MCF2L2: variants seen among roughly 807,000 people sequenced by gnomAD.
The protein encoded by MCF2L2 is probable guanine nucleotide exchange factor MCF2L2.
MCF2L2 carries 102 observed loss-of-function variants against 150.2 expected under a neutral mutation model. The observed-to-expected ratio is 0.68, with a 90% CI of 0.58 to 0.80. MCF2L2 has a LOEUF of 0.80. MCF2L2 is among the 30% of genes least tolerant of loss of function. The pLI is 0.00. For missense variants in MCF2L2, 1,256 were observed against 1,372.8 expected (o/e 0.91, Z 1.34); for synonymous variants, 465 against 491.3 (o/e 0.95, Z 0.71).
chr3:183,418,992 G>A (rs60977652), intron 1 of MCF2L2, among the ~76,000 whole-genome samples: 3,322 of 152,324 alleles, frequency 0.022, 148 homozygotes, highest in African/African-American at 0.075. Context: ...TCTCCATGAG[G>A]GCTCTGCCCC....
chr3:183,312,907 C>T (rs964725322), intron 7 of MCF2L2, among the ~76,000 whole-genome samples: 1 of 152,216 alleles, frequency 6.6e-6, no homozygotes, highest in Non-Finnish European at 1.5e-5. Context: ...TCTTTGGACA[C>T]CTCCTCTGGC....
intron 12 of MCF2L2, chr3:183,296,234 C>A (rs1055115598): frequency 6.6e-6 from 1 of 152,404 alleles, no homozygotes; most frequent in African/African-American, 2.4e-5. Context: ...TACAACCCTG[C>A]TGGCTTCATG....
intron 27 of MCF2L2, among the ~76,000 whole-genome samples, chr3:183,186,742 A>C (rs1490851731): frequency 6.6e-6 from 1 of 151,572 alleles, no homozygotes; most frequent in East Asian, 2.0e-4. Flanking sequence ...GTTTTTGTGG[A>C]GATGGGGTCT....
rs114462672 is a variant in MCF2L2 at position 183,194,242 on chromosome 3, A to G, written c.2918+980T>C. ...TGAGCTTAGAAAAACTAAGCAGACT[A>G]CTGTATCAGAACTGGATCACAGTAG... On this transcript the variant is annotated intron_variant, in intron 26 of 29. Transcript: ENST00000328913. Among the ~76,000 whole-genome samples, 1,386 of 152,266 alleles carry G rather than the reference A, an allele frequency of 9.1e-3. 28 individuals carry two copies. Among genetic ancestry groups the G allele is most frequent in the African/African-American group, 0.031 (1,301 of 41,536 alleles).
chr3:183,389,720 G>A lies in MCF2L2; in HGVS notation c.136C>T (p.His46Tyr), dbSNP rs144122281. 2 of 1,613,992 alleles carry A rather than the reference G, an allele frequency of 1.2e-6. No individual in the cohort carries two copies. The highest frequency in any genetic ancestry group is 1.7e-6 in the Non-Finnish European group (2 of 1,179,980). Reference protein sequence around the residue: ...LMAVEIIEQLHRQFAILSGGR... With the variant: ...LMAVEIIEQLYRQFAILSGGR... ...CCTGAAAGAATGGCAAATTGTCTGT[G>A]AAGTTGTTCTATTATCTCCACCGCC... is the stretch of plus-strand genomic sequence containing the variant. The change falls in exon 2 of 30, where the codon CAC becomes TAC. Residue 46 changes from histidine to tyrosine, a missense_variant. Physicochemically the swap from His to Tyr is moderately conservative, Grantham distance 83 (BLOSUM62 2). Coordinates refer to ENST00000328913, the MANE Select transcript of MCF2L2 (RefSeq NM_015078.4).
At position 183,247,298 on chromosome 3, in the gene MCF2L2, C is replaced by T. The variant is rs1445311362; in HGVS notation, c.1863-16281G>A. ...TGCTCCTTAAGAGACAGGGCCTGTA[C>T]AGCAAGGACACAGAGAAGCAGGTTA... On this transcript the variant is annotated intron_variant, in intron 15 of 29. Transcript: ENST00000328913. Among the ~76,000 whole-genome samples the T allele has an allele frequency of 1.3e-5, 2 of 152,166 alleles. 1 individual carries two copies. Among genetic ancestry groups the T allele is most frequent in the Non-Finnish European group, 2.9e-5 (2 of 68,038 alleles).
intron 21 of MCF2L2, among the ~76,000 whole-genome samples, chr3:183,218,873 T>C (rs1444265472): frequency 1.3e-5 from 2 of 152,158 alleles, no homozygotes; most frequent in African/African-American, 4.8e-5. Flanking sequence ...CTAGCTCCTC[T>C]TGCTCCAGGC....
chr3:183,328,047 C>T (rs925956274), intron 5 of MCF2L2, among the ~76,000 whole-genome samples: 1 of 152,164 alleles, frequency 6.6e-6, no homozygotes, highest in Non-Finnish European at 1.5e-5. Context: ...TTCAGCCCCA[C>T]TCACTGACCT....
At chr3:183,240,916 C>T (rs1723994143) in intron 15 of MCF2L2, among the ~76,000 whole-genome samples, 1 of 152,222 alleles carries the variant, frequency 6.6e-6, no homozygotes, top group African/African-American at 2.4e-5. Context: ...TGTTTCCCAC[C>T]CAAAAACTAT....
chr3:183,187,228 C>T (rs767080753), intron 27 of MCF2L2, among the ~76,000 whole-genome samples: 1 of 152,156 alleles, frequency 6.6e-6, no homozygotes, highest in African/African-American at 2.4e-5. Flanking sequence ...ACGTGCTATA[C>T]CGGATAGCTC....
intron 14 of MCF2L2, among the ~76,000 whole-genome samples, chr3:183,277,834 A>C (rs948937172): frequency 6.6e-6 from 1 of 151,666 alleles, no homozygotes; most frequent in Non-Finnish European, 1.5e-5. Context: ...TCTAAATTTT[A>C]GTTCCCTCTA....
chr3:183,408,108 TC>T (rs11329088), intron 1 of MCF2L2, among the ~76,000 whole-genome samples: 13,075 of 151,824 alleles, frequency 0.086, 1,329 homozygotes, highest in African/African-American at 0.23. Context: ...AATTACCTTG[TC>T]CCCCCCAATC....
chr3:183,259,817 C>G (rs1235750029), intron 15 of MCF2L2, among the ~76,000 whole-genome samples: 5 of 152,056 alleles, frequency 3.3e-5, no homozygotes, highest in African/African-American at 1.2e-4. Context: ...TCACTTCTGC[C>G]CACTGTCTAG....
At chr3:183,391,887 T>C (rs1023364239) in intron 1 of MCF2L2, among the ~76,000 whole-genome samples, 1 of 150,992 alleles carries the variant, frequency 6.6e-6, no homozygotes, top group Admixed American at 6.6e-5. Flanking sequence ...TGAGCATTTT[T>C]TTGATTTCTC....
At chr3:183,381,744 A>C (rs955775462) in intron 2 of MCF2L2, among the ~76,000 whole-genome samples, 1 of 152,014 alleles carries the variant, frequency 6.6e-6, no homozygotes, top group Admixed American at 6.6e-5. Flanking sequence ...ATTTCCAAAG[A>C]TGAGATCTAC....
In MCF2L2 at chr3:183,428,104, GC is replaced by G; in HGVS notation, c.-128del. Reference sequence around the variant, plus strand: ...CCTCGCCCTCTTCCTGGCTCTCCAGGCAAGAAACGAGAGTCCCTCGCAGCCT... The same window carrying G: ...CCTCGCCCTCTTCCTGGCTCTCCAGGAAGAAACGAGAGTCCCTCGCAGCCT... On this transcript the variant is annotated 5_prime_UTR_variant, in exon 1 of 30. Coordinates refer to ENST00000328913, the MANE Select transcript of MCF2L2 (RefSeq NM_015078.4). The surrounding 1 kb of genome is among the most constrained non-coding windows in gnomAD (Gnocchi z 5.1). 2 of 726,482 alleles carry G rather than the reference GC, an allele frequency of 2.8e-6. No homozygotes were observed. The highest frequency in any genetic ancestry group is 4.8e-6 in the Non-Finnish European group (2 of 416,898). 45.0% of individuals were successfully genotyped at this position (726,482 alleles called of 1,614,324 possible).
chr3:183,251,918 C>A (rs1422558287), intron 15 of MCF2L2, among the ~76,000 whole-genome samples: 3 of 151,256 alleles, frequency 2.0e-5, no homozygotes, highest in African/African-American at 7.3e-5. Flanking sequence ...TCATCTCTCC[C>A]TCCTACCACC....
intron 13 of MCF2L2, among the ~76,000 whole-genome samples, chr3:183,291,420 T>C (rs1342354269): frequency 6.6e-6 from 1 of 152,252 alleles, no homozygotes; most frequent in Non-Finnish European, 1.5e-5. Flanking sequence ...ATGAGTTCAT[T>C]TGTGAAGAAT....
chr3:183,289,448 A>G (rs1577028398), intron 13 of MCF2L2, among the ~76,000 whole-genome samples: 2 of 152,354 alleles, frequency 1.3e-5, no homozygotes, highest in East Asian at 3.9e-4. Context: ...GCAGAAGAGA[A>G]AAAAGTCACA....
Sources: gnomAD v4.1 joint callset for allele counts (sites outside exome capture counted in the v4.1 genomes callset) on GRCh38, gnomAD v4.1.1 for gene constraint, Gnocchi (gnomAD v3.1) non-coding constraint, MANE v1.5 for transcripts, NCBI Gene and HGNC (gene_info 2026-07-23, HGNC 2026-07-21) for gene names.